PECAM1: variants seen among roughly 807,000 people sequenced by gnomAD.
PECAM1 encodes the protein platelet endothelial cell adhesion molecule.
A neutral mutation model predicts 13.8 loss-of-function variants in PECAM1; 8 were observed. The observed-to-expected ratio is 0.58, with a 90% confidence interval of 0.34 to 1.05. The LOEUF (loss-of-function observed/expected upper bound fraction) is 1.05, where lower values mean the gene tolerates loss of function less well. Among genes scored for constraint, PECAM1 ranks in the 50% least tolerant of loss-of-function variants. PECAM1 has a pLI of 0.03. For synonymous variants in PECAM1, 136 were observed against 52.6 expected (o/e 2.58, Z -6.86); for missense variants, 304 against 141.2 (o/e 2.15, Z -5.84).
intron 2 of PECAM1, among the ~76,000 whole-genome samples, chr17:64,388,624 G>A (rs1426309824): frequency 6.6e-6 from 1 of 152,100 alleles, no homozygotes; most frequent in Non-Finnish European, 1.5e-5. Context: ...CAGTCCCAGT[G>A]CCCAGCCAAC....
chr17:64,331,150 C>T (rs957075408), intron 14 of PECAM1, among the ~76,000 whole-genome samples: 1 of 152,016 alleles, frequency 6.6e-6, no homozygotes, highest in Non-Finnish European at 1.5e-5. Context: ...ACTGTTTCCC[C>T]TTCCCCTCAG....
chr17:64,353,684 G>A (rs1237186193), intron 9 of PECAM1, among the ~76,000 whole-genome samples, 166 bp from the exon 10 acceptor site: 6 of 152,006 alleles, frequency 3.9e-5, no homozygotes, highest in Non-Finnish European at 8.8e-5. Context: ...ACTCTTTTCA[G>A]CTACGTTTGA....
chr17:64,374,101 A>G (rs7503550), intron 4 of PECAM1, among the ~76,000 whole-genome samples: 62,662 of 151,950 alleles, frequency 0.41, 14,238 homozygotes, highest in South Asian at 0.58. Flanking sequence ...TCCAAACCCA[A>G]CTTCCTGGTG....
chr17:64,357,795 A>T (rs4968729), intron 7 of PECAM1, among the ~76,000 whole-genome samples: 62,923 of 152,068 alleles, frequency 0.41, 14,408 homozygotes, highest in South Asian at 0.58. Flanking sequence ...AGTAAATGTG[A>T]GCTACTGATA....
At position 64,369,826 on chromosome 17, in the gene PECAM1, C is replaced by T; in HGVS notation, c.891G>A (p.Glu297=). 2 of 398,654 alleles carry T rather than the reference C, an allele frequency of 5.0e-6. No homozygotes were observed. The highest frequency in any genetic ancestry group is 8.8e-5 in the Admixed American group (2 of 22,726). The allele number at this position is 398,654 out of a possible 1,614,324, so 24.7% of individuals were successfully genotyped here. A position where few individuals can be genotyped will look rare whatever the true frequency, so the allele number is the denominator to read the frequency against. Residue 297 remains glutamate, a synonymous_variant, in exon 5 of 16, where the codon GAG becomes GAA. Transcript: ENST00000563924. ...KAVYSVMAMV[E]HSGNYTCKVE... is the part of the protein sequence containing the mutation. ...CTTTGCACGTGTAGTTGCCACTGTG[C>T]TCCACCATGGCCATGACTGAGTACA... is the stretch of plus-strand genomic sequence containing the variant.
rs1036970114 is a variant in PECAM1, at chr17:64,359,645, T to C, written c.1492+495A>G. 1.1e-4 allele frequency among the ~76,000 whole-genome samples: 16 copies of C among 152,300 alleles called. No individual in the cohort carries two copies. In the East Asian group the frequency reaches 2.9e-3, roughly 28 times the overall value. On this transcript the variant is annotated intron_variant, in intron 7 of 15. Transcript: ENST00000563924. ...TGAAAGGTTCTGGAAAGAGATTACATTGTCCTCATCAATAGCCCCCAAATA... is the reference window on the plus strand; with the variant it reads ...TGAAAGGTTCTGGAAAGAGATTACACTGTCCTCATCAATAGCCCCCAAATA...
At chr17:64,345,486 G>A (rs1456574526) in intron 13 of PECAM1, among the ~76,000 whole-genome samples, 4 of 152,066 alleles carry the variant, frequency 2.6e-5, no homozygotes, top group Non-Finnish European at 5.9e-5. Flanking sequence ...GTCAAGGCGG[G>A]TGGATCACCT....
chr17:64,354,485 T>A (rs1190486507), intron 9 of PECAM1, among the ~76,000 whole-genome samples: 3 of 152,200 alleles, frequency 2.0e-5, no homozygotes, highest in Non-Finnish European at 4.4e-5. Flanking sequence ...GATTTACTGA[T>A]GCTCTGCCCT....
At chr17:64,373,930 A>G (rs1473727360) in intron 4 of PECAM1, among the ~76,000 whole-genome samples, 2 of 152,050 alleles carry the variant, frequency 1.3e-5, no homozygotes, top group Non-Finnish European at 2.9e-5. Context: ...AGAGCCCTGT[A>G]TGTCCTGGAC....
intron 11 of PECAM1, among the ~76,000 whole-genome samples, chr17:64,351,718 A>G (rs1037729217): frequency 2.0e-5 from 3 of 152,204 alleles, no homozygotes; most frequent in Non-Finnish European, 4.4e-5. Flanking sequence ...AAAAAAAGAA[A>G]GAAAGAAAAG....
chr17:64,375,894 G>A (rs1258437653), intron 3 of PECAM1, among the ~76,000 whole-genome samples: 7 of 151,988 alleles, frequency 4.6e-5, no homozygotes, highest in African/African-American at 9.7e-5. Context: ...AGGAAACAAA[G>A]GCATAAGAAT....
chr17:64,329,408 G>C (rs2035044779), intron 15 of PECAM1, among the ~76,000 whole-genome samples: 1 of 152,176 alleles, frequency 6.6e-6, no homozygotes, highest in African/African-American at 2.4e-5. Flanking sequence ...CTCACTTCCA[G>C]AGCCTAGACT....
At chr17:64,361,919 C>T (rs1341938779) in intron 6 of PECAM1, among the ~76,000 whole-genome samples, 1 of 152,136 alleles carries the variant, frequency 6.6e-6, no homozygotes, top group African/African-American at 2.4e-5. Flanking sequence ...CGTTATAACA[C>T]ACATTTGTCT....
intron 14 of PECAM1, among the ~76,000 whole-genome samples, chr17:64,337,839 T>C (rs1349499218): frequency 2.0e-5 from 3 of 151,900 alleles, no homozygotes; most frequent in Non-Finnish European, 4.4e-5. Flanking sequence ...AGGATTGTTT[T>C]GAGCTGGTTC....
At position 64,352,439 on chromosome 17, in the gene PECAM1, G is replaced by A. The variant is rs7211869; in HGVS notation, c.1941C>T (p.Ser647=). The A allele has an allele frequency of 0.018, 8,520 of 475,022 alleles. 596 individuals carry two copies. The highest frequency in any genetic ancestry group is 0.15 in the African/African-American group (7,610 of 50,522). The allele number at this position is 475,022 out of a possible 1,614,324, so 29.4% of individuals were successfully genotyped here. The change falls in exon 11 of 16, where the codon TCC becomes TCT. Residue 647 remains serine (S), a synonymous_variant. Coordinates refer to ENST00000563924, the MANE Select transcript of PECAM1 (RefSeq NM_000442.5). ...MSRPAVPLLN[S]NNEKMSDPNM... is the part of the protein sequence containing the mutation. ...TGGGATCTGACATTTTCTCGTTGTT[G>A]GAGTTCAGAAGTGGTACTGCTGGCC...
At chr17:64,342,987 A>G (rs2035473010) in intron 13 of PECAM1, among the ~76,000 whole-genome samples, 3 of 151,802 alleles carry the variant, frequency 2.0e-5, no homozygotes, top group African/African-American at 7.3e-5. Context: ...ATACCCACCA[A>G]CCCTGAGGAA....
chr17:64,361,704 G>C (rs1338753890), intron 6 of PECAM1, among the ~76,000 whole-genome samples: 2 of 118,932 alleles, frequency 1.7e-5, no homozygotes, highest in African/African-American at 6.4e-5. Flanking sequence ...AGTGAGCCGA[G>C]ATCATGTCAT....
chr17:64,350,083 A>G (rs2035680657), intron 12 of PECAM1, among the ~76,000 whole-genome samples: 1 of 150,420 alleles, frequency 6.6e-6, no homozygotes, highest in Non-Finnish European at 1.5e-5. Context: ...CTCAATGCTC[A>G]AGAAAAAAGA....
chr17:64,335,664 C>T (rs1052915679), intron 14 of PECAM1, among the ~76,000 whole-genome samples: 2 of 152,150 alleles, frequency 1.3e-5, no homozygotes, highest in South Asian at 2.1e-4. Context: ...CCTCTGGGCC[C>T]GTTTCCCCAT....
Sources: gnomAD v4.1 joint callset for allele counts (sites outside exome capture counted in the v4.1 genomes callset) on GRCh38, gnomAD v4.1.1 for gene constraint, MANE v1.5 for transcripts, NCBI Gene and HGNC (gene_info 2026-07-23, HGNC 2026-07-21) for gene names.